The following RIMBP2 variants were observed in gnomAD, a reference collection of about 807,000 sequenced individuals.
RIMBP2 encodes RIMS binding protein 2.
In RIMBP2, 48 loss-of-function variants were observed where a neutral mutation model predicts 118.6. That is an observed-to-expected ratio of 0.40 (90% CI 0.32 to 0.51). The LOEUF is 0.51. Among genes scored for constraint, RIMBP2 ranks in the 20% least tolerant of loss-of-function variants. RIMBP2 has a pLI of 0.41. For missense variants in RIMBP2, 1,551 were observed against 1,768.3 expected (o/e 0.88, Z 2.20); for synonymous variants, 762 against 742.9 (o/e 1.03, Z -0.42).
chr12:130,477,689 C>T (rs567562780), intron 5 of RIMBP2, among the ~76,000 whole-genome samples: 5 of 152,256 alleles, frequency 3.3e-5, no homozygotes, highest in Non-Finnish European at 7.3e-5. Flanking sequence ...TTTCCACAAG[C>T]TCTGCTAATA....
At chr12:130,579,065 A>C (rs1342518397) in intron 2 of RIMBP2, among the ~76,000 whole-genome samples, 1 of 152,086 alleles carries the variant, frequency 6.6e-6, no homozygotes, top group African/African-American at 2.4e-5. Context: ...GTTGTGAGGA[A>C]GGGGTGGGGC....
rs963260647 is a variant in RIMBP2, at chr12:130,653,404, G to A, written c.-351-24948C>T. Among the ~76,000 whole-genome samples the A allele has an allele frequency of 3.9e-5, 6 of 152,192 alleles. No individual in the cohort carries two copies. The South Asian group carries it at 6.2e-4, about 16-fold the overall frequency. ...ATCCTTGACTCCGTGCCCCACATCC[G>A]GGCACACTGGTGCAAGGGGTAGGCT... On this transcript the variant is annotated intron_variant, in intron 1 of 22. Transcript: ENST00000690449.
At chr12:130,500,461 GA>G (rs995730946) in intron 4 of RIMBP2, among the ~76,000 whole-genome samples, 8 of 152,196 alleles carry the variant, frequency 5.3e-5, no homozygotes, top group African/African-American at 1.9e-4. Flanking sequence ...CCTTCTCAAA[GA>G]AAAAACAAAC....
At position 130,705,133 on chromosome 12, in the gene RIMBP2, C is replaced by T. The variant is rs1218312080; in HGVS notation, c.-352+11089G>A. Among the ~76,000 whole-genome samples, 5 of 152,212 alleles carry T rather than the reference C, an allele frequency of 3.3e-5. No individual in the cohort carries two copies. The East Asian group carries it at 7.7e-4, about 23-fold the overall frequency. ...GGCTCCTCTCCGTGGCCACATTGCTCTGGTTCCGCCTTCAGAGTCACACGG... is the reference window on the plus strand; with the variant it reads ...GGCTCCTCTCCGTGGCCACATTGCTTTGGTTCCGCCTTCAGAGTCACACGG... On this transcript the variant is annotated intron_variant, in intron 1 of 22. Transcript: ENST00000690449.
At chr12:130,645,496 C>T (rs1189653652) in intron 1 of RIMBP2, among the ~76,000 whole-genome samples, 1 of 152,230 alleles carries the variant, frequency 6.6e-6, no homozygotes, top group African/African-American at 2.4e-5. Context: ...CAGCCAGCAC[C>T]TTCCACCCCT....
chr12:130,495,959 G>T (rs1453778178), intron 4 of RIMBP2, among the ~76,000 whole-genome samples: 1 of 152,190 alleles, frequency 6.6e-6, no homozygotes, highest in African/African-American at 2.4e-5. Flanking sequence ...CTTTGAATTA[G>T]GTCATGCTAC....
chr12:130,686,136 T>C (rs142247782), intron 1 of RIMBP2, among the ~76,000 whole-genome samples: 2 of 152,322 alleles, frequency 1.3e-5, no homozygotes, highest in East Asian at 3.9e-4. Context: ...TGCCTGGCCC[T>C]GGAGACTGGC....
rs1340684035 is a variant in RIMBP2 at position 130,450,313 on chromosome 12, C to T, written c.505-37G>A. ...GCAATGGGTGTGTGGGTTATTGAAGCTGGAGGTGTCCCACCCCATTCCCGC... is the reference window on the plus strand; with the variant it reads ...GCAATGGGTGTGTGGGTTATTGAAGTTGGAGGTGTCCCACCCCATTCCCGC... On this transcript the variant is annotated intron_variant, in intron 8 of 22. Transcript: ENST00000690449. This position sits in a 1 kb window ranked among gnomAD's most constrained non-coding sequence, Gnocchi z 4.8. 1 of 1,499,390 alleles carries T rather than the reference C, an allele frequency of 6.7e-7. No individual in the cohort carries two copies. The highest frequency in any genetic ancestry group is 1.4e-5 in the African/African-American group (1 of 72,318). The allele number at this position is 1,499,390 out of a possible 1,614,324, so 92.9% of individuals were successfully genotyped here.
At chr12:130,619,686 T>A (rs900287060) in intron 2 of RIMBP2, among the ~76,000 whole-genome samples, 1 of 152,222 alleles carries the variant, frequency 6.6e-6, no homozygotes, top group Non-Finnish European at 1.5e-5. Flanking sequence ...ACAGACACCA[T>A]GGCCCCAGGT....
chr12:130,709,277 G>A (rs537430308), intron 1 of RIMBP2, among the ~76,000 whole-genome samples: 9 of 152,348 alleles, frequency 5.9e-5, no homozygotes, highest in African/African-American at 1.9e-4. Context: ...ACTGCCATTC[G>A]CTGCATCCAC....
chr12:130,467,741 G>A (rs921182315), intron 6 of RIMBP2, among the ~76,000 whole-genome samples: 4 of 152,110 alleles, frequency 2.6e-5, no homozygotes, highest in East Asian at 1.9e-4. Flanking sequence ...TTTCCAGACC[G>A]AACCAATGTA....
At chr12:130,435,049 T>G (rs527412879) in intron 13 of RIMBP2, among the ~76,000 whole-genome samples, 169 bp from the exon 14 acceptor site, 39 of 147,010 alleles carry the variant, frequency 2.7e-4, no homozygotes, top group African/African-American at 9.6e-4. Flanking sequence ...CCCACCAGAA[T>G]CTTTTTTTTT....
chr12:130,524,305 C>T (rs1422778083), intron 2 of RIMBP2, among the ~76,000 whole-genome samples: 1 of 152,076 alleles, frequency 6.6e-6, no homozygotes, highest in African/African-American at 2.4e-5. Context: ...CCTGTGGTTC[C>T]AGAGGCATGA....
In RIMBP2 at chr12:130,664,388, TGCACACACACGCACGCACGCAC is replaced by T. The variant is rs1397127142; in HGVS notation, c.-351-35954_-351-35933del. ...ATGCACGTGCATGCACGCACGCGCA[TGCACACACACGCACGCACGCAC>T]GCACACACACGCACACACATGCATG... On this transcript the variant is annotated intron_variant, in intron 1 of 22. Coordinates refer to ENST00000690449, the MANE Select transcript of RIMBP2 (RefSeq NM_001393629.1). 2.1e-3 allele frequency among the ~76,000 whole-genome samples: 218 copies of T among 105,960 alleles called. 12 individuals carry two copies. Among genetic ancestry groups the T allele is most frequent in the African/African-American group, 6.9e-3 (211 of 30,648 alleles). 69.5% of individuals were successfully genotyped at this position (105,960 alleles called of 152,430 possible).
rs946501454 is a variant in RIMBP2 at position 130,647,549 on chromosome 12, G to A, written c.-351-19093C>T. 2.0e-4 allele frequency among the ~76,000 whole-genome samples: 29 copies of A among 144,792 alleles called. 1 individual carries two copies. The highest frequency in any genetic ancestry group is 5.9e-4 in the East Asian group (3 of 5,128). The allele number at this position is 144,792 out of a possible 152,430, so 95.0% of individuals were successfully genotyped here. Reference sequence around the variant, plus strand: ...CACCTAGACCTCAGCTACGGAGAGCGGAGGACTGAGCTCTGAGCACCAGTC... The same window carrying A: ...CACCTAGACCTCAGCTACGGAGAGCAGAGGACTGAGCTCTGAGCACCAGTC... On this transcript the variant is annotated intron_variant, in intron 1 of 22. Transcript: ENST00000690449.
At chr12:130,619,140 T>C (rs570660793) in intron 2 of RIMBP2, among the ~76,000 whole-genome samples, 61 of 152,340 alleles carry the variant, frequency 4.0e-4, no homozygotes, top group African/African-American at 1.4e-3. Context: ...CACTTCTTCC[T>C]TCAGTCATCC....
intron 14 of RIMBP2, chr12:130,430,195 C>G (rs1364828246): frequency 6.6e-6 from 1 of 152,266 alleles, no homozygotes; most frequent in Non-Finnish European, 1.5e-5. Flanking sequence ...CTGCCCTTGC[C>G]TCTGCTGACA....
In RIMBP2 at chr12:130,473,966, G is replaced by A. The variant is rs1056007299; in HGVS notation, c.103-3223C>T. Reference sequence around the variant, plus strand: ...CTACCAGTAAGAGGAACTGTAGACCGAAGTAAAATCGGTCAAGTCTGCGGA... The same window carrying A: ...CTACCAGTAAGAGGAACTGTAGACCAAAGTAAAATCGGTCAAGTCTGCGGA... On this transcript the variant is annotated intron_variant, in intron 5 of 22. Coordinates refer to ENST00000690449, the MANE Select transcript of RIMBP2 (RefSeq NM_001393629.1). 9.2e-5 allele frequency among the ~76,000 whole-genome samples: 14 copies of A among 152,314 alleles called. No homozygotes were observed. In the East Asian group the frequency reaches 1.3e-3, roughly 15 times the overall value.
At chr12:130,503,041 C>T (rs2049950338) in intron 4 of RIMBP2, among the ~76,000 whole-genome samples, 1 of 152,008 alleles carries the variant, frequency 6.6e-6, no homozygotes, top group African/African-American at 2.4e-5. Context: ...TTTTAAATTC[C>T]ATAGACCAGG....
Sources: gnomAD v4.1 joint callset for allele counts (sites outside exome capture counted in the v4.1 genomes callset) on GRCh38, gnomAD v4.1.1 for gene constraint, Gnocchi (gnomAD v3.1) non-coding constraint, MANE v1.5 for transcripts, NCBI Gene and HGNC (gene_info 2026-07-23, HGNC 2026-07-21) for gene names.